GPCPD1: variants seen among roughly 807,000 people sequenced by gnomAD.
The protein encoded by GPCPD1 is glycerophosphocholine phosphodiesterase 1, also known as glycerophosphocholine phosphodiesterase GPCPD1.
In GPCPD1, 29 loss-of-function variants were observed where a neutral mutation model predicts 89.2. That is an observed-to-expected ratio of 0.33 (90% CI 0.24 to 0.44). The LOEUF is 0.44. Ranked by LOEUF, GPCPD1 falls within the 20% of genes least tolerant of loss-of-function variation. The pLI, the probability that GPCPD1 is intolerant of heterozygous loss-of-function variation, is 1.00. For synonymous variants in GPCPD1, 258 were observed against 266.3 expected (o/e 0.97, Z 0.30); for missense variants, 594 against 808.9 (o/e 0.73, Z 3.22).
intron 15 of GPCPD1, among the ~76,000 whole-genome samples, chr20:5,561,865 A>G (rs1986103679): frequency 6.6e-6 from 1 of 152,242 alleles, no homozygotes; most frequent in Admixed American, 6.5e-5. Context: ...AATAGGCAAC[A>G]TCATGAATTC....
At chr20:5,556,175 G>A (rs901974594) in intron 19 of GPCPD1, among the ~76,000 whole-genome samples, 2 of 152,204 alleles carry the variant, frequency 1.3e-5, no homozygotes, top group South Asian at 2.1e-4. Flanking sequence ...CAGACACAAC[G>A]CTACTGTACA....
chr20:5,595,127 A>G (rs2122765265), intron 3 of GPCPD1, among the ~76,000 whole-genome samples: 1 of 152,342 alleles, frequency 6.6e-6, no homozygotes, highest in Middle Eastern at 3.4e-3. Context: ...AAAGATTGCA[A>G]TTCACTAAAG....
chr20:5,589,522 G>A (rs958326693), intron 4 of GPCPD1, among the ~76,000 whole-genome samples: 7 of 152,114 alleles, frequency 4.6e-5, no homozygotes, highest in Admixed American at 2.6e-4. Flanking sequence ...TGATGCAGGA[G>A]ACTCACTTGA....
chr20:5,553,000 T>G (rs909132612), intron 19 of GPCPD1, among the ~76,000 whole-genome samples: 1 of 152,216 alleles, frequency 6.6e-6, no homozygotes, highest in Non-Finnish European at 1.5e-5. Flanking sequence ...TAATTTAATT[T>G]TATTTTATAT....
chr20:5,549,142 G>C (rs1403614400), intron 19 of GPCPD1: 2 of 651,202 alleles, frequency 3.1e-6, no homozygotes, highest in Non-Finnish European at 5.8e-6. Flanking sequence ...GGGAAGATGA[G>C]AAAAACAAAC....
chr20:5,574,011 T>C (rs1978284853), intron 10 of GPCPD1, 42 bp from the exon 11 acceptor site: 1 of 1,001,696 alleles, frequency 1.0e-6, no homozygotes, highest in African/African-American at 1.6e-5. Context: ...ATAGAGAAGA[T>C]AAAGAAACAA....
At chr20:5,586,426 A>G (rs1260383808) in intron 4 of GPCPD1, among the ~76,000 whole-genome samples, 157 bp from the exon 5 acceptor site, 1 of 152,246 alleles carries the variant, frequency 6.6e-6, no homozygotes, top group Non-Finnish European at 1.5e-5. Flanking sequence ...GGAATGTACC[A>G]GATCACAAAA....
At chr20:5,609,019 A>G (rs1043951644) in intron 1 of GPCPD1, among the ~76,000 whole-genome samples, 1 of 152,198 alleles carries the variant, frequency 6.6e-6, no homozygotes. Flanking sequence ...AACTTTCCCG[A>G]CACGTGACAC....
intron 3 of GPCPD1, 29 bp from the exon 4 acceptor site, chr20:5,593,440 G>A: frequency 8.3e-7 from 1 of 1,198,472 alleles, no homozygotes; most frequent in Non-Finnish European, 1.2e-6. Flanking sequence ...AAAAGCAGCA[G>A]CATCAATATC....
At chr20:5,563,048 T>A (rs773073896) in intron 15 of GPCPD1, among the ~76,000 whole-genome samples, 17 of 151,956 alleles carry the variant, frequency 1.1e-4, no homozygotes, top group Non-Finnish European at 8.8e-5. Context: ...AGTGGCGCGA[T>A]CTCGGCTCAC....
intron 19 of GPCPD1, among the ~76,000 whole-genome samples, chr20:5,548,618 C>T (rs1056803578): frequency 4.6e-5 from 7 of 152,266 alleles, no homozygotes; most frequent in South Asian, 4.1e-4. Context: ...CGTTCTCTCC[C>T]TATATTCCAT....
intron 5 of GPCPD1, chr20:5,585,628 C>CAAAAAAAAAAAAAAAAAAA (rs11481998): frequency 8.3e-6 from 1 of 121,034 alleles, no homozygotes. Flanking sequence ...AAAAAAAAGA[C>CAAAAAAAAAAAAAAAAAAA]AAAAAAAAAA....
At chr20:5,590,487 G>A (rs1286130982) in intron 4 of GPCPD1, among the ~76,000 whole-genome samples, 1 of 138,796 alleles carries the variant, frequency 7.2e-6, no homozygotes, top group African/African-American at 2.8e-5. Context: ...AGGTTGCAGT[G>A]AGCCGAGATC....
intron 8 of GPCPD1, 121 bp from the exon 9 acceptor site, chr20:5,576,099 AT>A: frequency 3.0e-6 from 1 of 333,756 alleles, no homozygotes; most frequent in East Asian, 4.8e-5. Flanking sequence ...TGAAATGTGT[AT>A]ATATATATTT....
chr20:5,549,220 TAG>T (rs1318252323), intron 19 of GPCPD1: 7 of 719,976 alleles, frequency 9.7e-6, no homozygotes, highest in Non-Finnish European at 1.5e-5. Context: ...CACTTTTGGC[TAG>T]AGACTCTACT....
intron 2 of GPCPD1, among the ~76,000 whole-genome samples, chr20:5,600,695 G>A (rs1241723477): frequency 6.6e-6 from 1 of 152,176 alleles, no homozygotes; most frequent in Non-Finnish European, 1.5e-5. Flanking sequence ...AGCTGGGTGT[G>A]GTAGCAGGCA....
chr20:5,566,235 C>G (rs2122610029), intron 14 of GPCPD1, among the ~76,000 whole-genome samples: 1 of 152,208 alleles, frequency 6.6e-6, no homozygotes, highest in South Asian at 2.1e-4. Context: ...GGCTAACACT[C>G]TAGTTGAAAA....
At chr20:5,556,366 C>A (rs760631935) in intron 19 of GPCPD1, among the ~76,000 whole-genome samples, 1 of 152,090 alleles carries the variant, frequency 6.6e-6, no homozygotes, top group Non-Finnish European at 1.5e-5. Context: ...CCACCACACC[C>A]GGCTAATTTT....
chr20:5,566,297 T>C (rs1436866808), intron 14 of GPCPD1, among the ~76,000 whole-genome samples: 1 of 152,208 alleles, frequency 6.6e-6, no homozygotes, highest in East Asian at 1.9e-4. Context: ...ATAAGCCTCA[T>C]ATGAATGGCA....
Sources: allele counts gnomAD v4.1 joint callset (sites outside exome capture counted in the v4.1 genomes callset), GRCh38; gene constraint gnomAD v4.1.1; transcripts MANE v1.5; gene names NCBI Gene and HGNC (gene_info 2026-07-23, HGNC 2026-07-21).